IRAK3: variants seen among roughly 807,000 people sequenced by gnomAD.
IRAK3 encodes the protein interleukin 1 receptor associated kinase 3.
IRAK3 carries 57 observed loss-of-function variants against 56.6 expected under a neutral mutation model. That is an observed-to-expected ratio of 1.01 (90% CI 0.81 to 1.26). IRAK3 has a LOEUF of 1.26. Ranked by LOEUF, IRAK3 falls within the 50% of genes most tolerant of loss-of-function variation. The probability of loss-of-function intolerance (pLI) is 0.00; values close to 1 mark genes in which losing one functional copy is unlikely to be tolerated. For missense variants in IRAK3, 703 were observed against 719.0 expected, an observed-to-expected ratio of 0.98 and a Z score of 0.25; for synonymous variants, 258 against 255.7, an observed-to-expected ratio of 1.01 and a Z score of -0.09.
rs1253152613 is a variant in IRAK3, at chr12:66,251,140, C to T, written c.*2969C>T. 6.6e-6 allele frequency: 1 copy of T among 152,154 alleles called. No individual in the cohort carries two copies. The highest frequency in any genetic ancestry group is 1.5e-5 in the Non-Finnish European group (1 of 68,032). The allele number at this position is 152,154 out of a possible 1,614,324, so 9.4% of individuals were successfully genotyped here. A position where few individuals can be genotyped will look rare whatever the true frequency, so the allele number is the denominator to read the frequency against. ...TCATCTTATTGACTAGACCATCTTT[C>T]TAGAGTATAACTATTTTGGACACCT... is the stretch of plus-strand genomic sequence containing the variant. On this transcript the variant is annotated 3_prime_UTR_variant, in exon 12 of 12. Transcript: ENST00000261233.
intron 6 of IRAK3, among the ~76,000 whole-genome samples, chr12:66,219,171 A>C (rs964515021): frequency 6.6e-6 from 1 of 152,162 alleles, no homozygotes; most frequent in Admixed American, 6.5e-5. Flanking sequence ...GAGAGTGCAG[A>C]TATCTCTTTG....
chr12:66,236,658 A>G (rs1346879130), intron 8 of IRAK3, among the ~76,000 whole-genome samples: 1 of 152,044 alleles, frequency 6.6e-6, no homozygotes, highest in Non-Finnish European at 1.5e-5. Flanking sequence ...AAGTTTTCGC[A>G]CTTGCACATT....
intron 1 of IRAK3, among the ~76,000 whole-genome samples, chr12:66,191,631 C>T (rs1402519345): frequency 2.0e-5 from 3 of 152,148 alleles, no homozygotes; most frequent in Admixed American, 2.0e-4. Flanking sequence ...GTTCTTGGCT[C>T]AGCAAGAAGG....
chr12:66,242,685 A>C (rs531697816), intron 8 of IRAK3, among the ~76,000 whole-genome samples: 42 of 152,184 alleles, frequency 2.8e-4, no homozygotes, highest in Non-Finnish European at 4.4e-4. Flanking sequence ...GAGGCCCTAG[A>C]GCTCAGAAGG....
chr12:66,234,326 G>C, intron 8 of IRAK3: 2 of 1,612,718 alleles, frequency 1.2e-6, no homozygotes, highest in Non-Finnish European at 1.7e-6. Context: ...CTCCATTGAG[G>C]GAGTTAACAC....
chr12:66,235,304 G>GGCTGGC, intron 8 of IRAK3: 3 of 1,234,252 alleles, frequency 2.4e-6, no homozygotes, highest in Non-Finnish European at 3.1e-6. Flanking sequence ...GGGCCGCGGC[G>GGCTGGC]GCGGGCGCGG....
intron 3 of IRAK3, 81 bp from the exon 4 acceptor site, chr12:66,210,066 G>A: frequency 4.5e-6 from 4 of 895,158 alleles, no homozygotes; most frequent in Non-Finnish European, 7.5e-6. Context: ...TAGTCCCCAG[G>A]GAGCTTTGGA....
chr12:66,190,160 T>C (rs2052385780), intron 1 of IRAK3, among the ~76,000 whole-genome samples: 3 of 152,206 alleles, frequency 2.0e-5, no homozygotes, highest in Admixed American at 2.0e-4. Context: ...CACAATGTCA[T>C]GTTTAATGTT....
In IRAK3 at chr12:66,189,354, G is replaced by A; in HGVS notation, c.55G>A (p.Asp19Asn). The A allele has an allele frequency of 6.5e-7, 1 of 1,531,662 alleles. No homozygotes were observed. Among genetic ancestry groups the A allele is most frequent in the Non-Finnish European group, 8.7e-7 (1 of 1,145,312 alleles). The allele number at this position is 1,531,662 out of a possible 1,614,324, so 94.9% of individuals were successfully genotyped here. The change falls in exon 1 of 12, where the codon GAC becomes AAC. Residue 19 changes from aspartate to asparagine, a missense_variant. By Grantham distance (23) the Asp-to-Asn change is conservative. Transcript: ENST00000261233. ...GALSAHTLLF[D>N]LPPALLGELC... ...GCTGTCGGCGCACACGCTGCTGTTC[G>A]ACCTGCCGCCCGCGCTGCTCGGAGA...
rs146136546 is a variant in IRAK3 at position 66,234,999 on chromosome 12, T to A, written c.887+6629T>A. 1.0e-3 allele frequency: 1,624 copies of A among 1,613,854 alleles called. 24 individuals carry two copies. The African/African-American group carries it at 0.019, about 19-fold the overall frequency. The stretch of plus-strand genomic sequence containing the variant: ...AAACCATAACCTTTGCATTTGTTCG[T>A]TGTCTTATGCAAAATTGCGTTTGTG... On this transcript the variant is annotated intron_variant, in intron 8 of 11. Transcript: ENST00000261233.
intron 11 of IRAK3, among the ~76,000 whole-genome samples, chr12:66,246,490 A>G (rs2053034397): frequency 6.6e-6 from 1 of 152,240 alleles, no homozygotes; most frequent in Admixed American, 6.5e-5. Context: ...CCTTCGAGGC[A>G]GGAGAGCTGT....
chr12:66,201,594 A>C (rs2052508462), intron 1 of IRAK3, among the ~76,000 whole-genome samples: 1 of 152,194 alleles, frequency 6.6e-6, no homozygotes, highest in Non-Finnish European at 1.5e-5. Flanking sequence ...CTCAAAGTAC[A>C]CTTTAAAATT....
chr12:66,209,608 G>T, intron 3 of IRAK3, 88 bp downstream of exon 3: 1 of 859,478 alleles, frequency 1.2e-6, no homozygotes, highest in Non-Finnish European at 2.0e-6. Context: ...GCAGAAAAAT[G>T]CTGGATTTGC....
intron 8 of IRAK3, among the ~76,000 whole-genome samples, chr12:66,231,111 C>A (rs1229733082): frequency 1.3e-5 from 2 of 152,130 alleles, no homozygotes; most frequent in Non-Finnish European, 2.9e-5. Context: ...AGTGTGGTGG[C>A]CAATCAGTCT....
chr12:66,197,924 C>A, intron 1 of IRAK3: 6 of 981,530 alleles, frequency 6.1e-6, no homozygotes, highest in Middle Eastern at 5.3e-4. Context: ...AAAAAAAAAA[C>A]AAACAGAGAA....
In IRAK3 at chr12:66,228,233, A is replaced by G. The variant is rs1411104229; in HGVS notation, c.769-19A>G. On this transcript the variant is annotated intron_variant, in intron 7 of 11. Coordinates refer to ENST00000261233, the MANE Select transcript of IRAK3 (RefSeq NM_007199.3). Reference sequence around the variant, plus strand: ...TTACTCAGAAAGTGCAACCAAACCAATTGCTGTTGTTGTTTTAGGGTGACA... The same window carrying G: ...TTACTCAGAAAGTGCAACCAAACCAGTTGCTGTTGTTGTTTTAGGGTGACA... The G allele has an allele frequency of 6.4e-6, 10 of 1,571,654 alleles. No individual in the cohort carries two copies. In the South Asian group the frequency reaches 1.0e-4, roughly 16 times the overall value.
intron 8 of IRAK3, among the ~76,000 whole-genome samples, chr12:66,237,362 T>G (rs1473261122): frequency 6.6e-6 from 1 of 152,200 alleles, no homozygotes; most frequent in Non-Finnish European, 1.5e-5. Flanking sequence ...GCAGCTCTCA[T>G]TATTCAGACT....
chr12:66,197,378 T>A, intron 1 of IRAK3: 2 of 995,028 alleles, frequency 2.0e-6, no homozygotes, highest in Non-Finnish European at 2.4e-6. Flanking sequence ...TATTGAAGAA[T>A]GTAATTAACA....
chr12:66,189,469 G>T lies in IRAK3; in HGVS notation c.133+37G>T, dbSNP rs1011224123. The T allele has an allele frequency of 9.6e-6, 11 of 1,144,954 alleles. No homozygotes were observed. The African/African-American group carries it at 1.1e-4, about 12-fold the overall frequency. 70.9% of individuals were successfully genotyped at this position (1,144,954 alleles called of 1,614,324 possible). On this transcript the variant is annotated intron_variant, in intron 1 of 11. Transcript: ENST00000261233. ...GGGACCGGCCGGGGGCGGCGGGGGA[G>T]CCCAGCGCGCCGCGGGGCCCGCTCG...
Sources: gnomAD v4.1 joint callset for allele counts (sites outside exome capture counted in the v4.1 genomes callset) on GRCh38, gnomAD v4.1.1 for gene constraint, MANE v1.5 for transcripts, NCBI Gene and HGNC (gene_info 2026-07-23, HGNC 2026-07-21) for gene names.